SLX4IP: variants seen among roughly 807,000 people sequenced by gnomAD.
SLX4IP encodes SLX4 interacting protein, also known as protein SLX4IP.
Under a neutral mutation model 32.9 loss-of-function variants are expected in SLX4IP, and 34 were observed. The ratio of observed to expected loss-of-function variants is 1.03; its 90% CI spans 0.79 to 1.38. The LOEUF is 1.38. Among genes scored for constraint, SLX4IP ranks in the 40% most tolerant of loss-of-function variants. The probability of loss-of-function intolerance (pLI) is 0.00; values close to 1 mark genes in which losing one functional copy is unlikely to be tolerated. For synonymous variants in SLX4IP, 172 were observed against 171.7 expected, an observed-to-expected ratio of 1.00 and a Z score of -0.01; for missense variants, 444 against 479.0, an observed-to-expected ratio of 0.93 and a Z score of 0.68.
chr20:10,482,320 T>C (rs2065529993), intron 2 of SLX4IP, among the ~76,000 whole-genome samples: 1 of 152,236 alleles, frequency 6.6e-6, no homozygotes, highest in Middle Eastern at 3.2e-3. Flanking sequence ...AGAATCACAG[T>C]GAAAGCCATG....
chr20:10,519,256 A>G (rs928406091), intron 2 of SLX4IP, among the ~76,000 whole-genome samples: 8 of 152,182 alleles, frequency 5.3e-5, no homozygotes, highest in African/African-American at 1.7e-4. Flanking sequence ...TATATAATTC[A>G]GTAGTTTTTA....
At chr20:10,548,836 G>A (rs909748870) in intron 2 of SLX4IP, among the ~76,000 whole-genome samples, 1 of 152,184 alleles carries the variant, frequency 6.6e-6, no homozygotes. Context: ...GCACACAAGC[G>A]CTCCATGAAT....
intron 4 of SLX4IP, among the ~76,000 whole-genome samples, chr20:10,595,074 A>C (rs1479860496): frequency 6.6e-6 from 1 of 152,168 alleles, no homozygotes; most frequent in African/African-American, 2.4e-5. Context: ...TGGTGGCACA[A>C]GAACTGGAGA....
At position 10,502,487 on chromosome 20, in the gene SLX4IP, C is replaced by G. The variant is rs6039992; in HGVS notation, c.27+44256C>G. ...GCATGTGCATGCACACTCACATGTC[C>G]CCGCTCACAAACCCACTCACTTTCA... is the stretch of plus-strand genomic sequence containing the variant. On this transcript the variant is annotated intron_variant, in intron 2 of 7. Transcript: ENST00000334534. Among the ~76,000 whole-genome samples, 5 of 152,300 alleles carry G rather than the reference C, an allele frequency of 3.3e-5. No homozygotes were observed. The South Asian group carries it at 8.3e-4, about 25-fold the overall frequency.
At chr20:10,448,084 ATGTT>A (rs71332998) in intron 1 of SLX4IP, among the ~76,000 whole-genome samples, 74,069 of 151,262 alleles carry the variant, frequency 0.49, 19,555 homozygotes, top group Non-Finnish European at 0.6. Flanking sequence ...CTTGATTCTG[ATGTT>A]TGTTTGTTTT....
intron 4 of SLX4IP, among the ~76,000 whole-genome samples, chr20:10,597,916 G>A (rs1225745851): frequency 1.3e-5 from 2 of 152,130 alleles, no homozygotes; most frequent in Non-Finnish European, 2.9e-5. Context: ...TTTTACTCAT[G>A]TCATATTTCT....
intron 4 of SLX4IP, among the ~76,000 whole-genome samples, chr20:10,583,065 T>C (rs893666957): frequency 2.0e-5 from 3 of 152,200 alleles, no homozygotes; most frequent in African/African-American, 7.2e-5. Context: ...TAGGATCATA[T>C]AATGAACCCC....
At chr20:10,535,270 C>T (rs1479112006) in intron 2 of SLX4IP, among the ~76,000 whole-genome samples, 2 of 152,068 alleles carry the variant, frequency 1.3e-5, no homozygotes, top group African/African-American at 4.8e-5. Context: ...AGTCCTAGTG[C>T]CACTGGCTGA....
chr20:10,598,542 G>C (rs187488020), intron 4 of SLX4IP, 133 bp from the exon 5 acceptor site: 3 of 833,204 alleles, frequency 3.6e-6, no homozygotes, highest in East Asian at 5.3e-5. Flanking sequence ...GGGATTACAG[G>C]CGTGAGTCAT....
Position 10,455,351 on chromosome 20 carries a change from T to C in SLX4IP, c.-29-2825T>C, listed in dbSNP as rs1384125012. 3.3e-5 allele frequency among the ~76,000 whole-genome samples: 5 copies of C among 152,284 alleles called. No homozygotes were observed. In the East Asian group the frequency reaches 5.8e-4, roughly 18 times the overall value. ...TTTTTTCCTAAGATTTTTATAGTTTTAGCTCTTATATTTAGGTCTATGATC... is the reference window on the plus strand; with the variant it reads ...TTTTTTCCTAAGATTTTTATAGTTTCAGCTCTTATATTTAGGTCTATGATC... On this transcript the variant is annotated intron_variant, in intron 1 of 7. Transcript: ENST00000334534.
At position 10,556,214 on chromosome 20, in the gene SLX4IP, C is replaced by T. The variant is rs1260511638; in HGVS notation, c.28-17C>T. ...ATGAGCCGCACAGACACTGACTCTGCCATTAATGTCTTTCAGTGTGGGAAT... is the reference window on the plus strand; with the variant it reads ...ATGAGCCGCACAGACACTGACTCTGTCATTAATGTCTTTCAGTGTGGGAAT... On this transcript the variant is annotated splice_polypyrimidine_tract_variant and intron_variant, in intron 2 of 7. Transcript: ENST00000334534. The T allele has an allele frequency of 3.1e-6, 5 of 1,607,858 alleles. No individual in the cohort carries two copies. Among genetic ancestry groups the T allele is most frequent in the Non-Finnish European group, 4.3e-6 (5 of 1,175,740 alleles).
At chr20:10,567,606 A>G (rs2066412025) in intron 4 of SLX4IP, among the ~76,000 whole-genome samples, 1 of 152,222 alleles carries the variant, frequency 6.6e-6, no homozygotes, top group African/African-American at 2.4e-5. Context: ...TGTTTTAGCA[A>G]CACAATAGAC....
intron 1 of SLX4IP, among the ~76,000 whole-genome samples, chr20:10,455,385 T>G (rs2065276303): frequency 6.6e-6 from 1 of 152,110 alleles, no homozygotes; most frequent in African/African-American, 2.4e-5. Context: ...TCCATTTTGA[T>G]TTAACTTTTT....
rs576781282 is a variant in SLX4IP, at chr20:10,583,598, G to T, written c.239-15077G>T. Among the ~76,000 whole-genome samples, 4 of 152,150 alleles carry T rather than the reference G, an allele frequency of 2.6e-5. No individual in the cohort carries two copies. In the East Asian group the frequency reaches 7.7e-4, roughly 29 times the overall value. On this transcript the variant is annotated intron_variant, in intron 4 of 7. Coordinates refer to ENST00000334534, the MANE Select transcript of SLX4IP (RefSeq NM_001009608.3). ...CCCTTGTATTTTCTGTGGATTGGTG[G>T]TTTGAGCCACAGGCCTGATGAGGCT...
intron 2 of SLX4IP, among the ~76,000 whole-genome samples, chr20:10,479,345 C>T (rs1163167321): frequency 3.1e-5 from 3 of 95,388 alleles, no homozygotes; most frequent in South Asian, 5.0e-4. Flanking sequence ...GCTCAAATTC[C>T]ATATTTCTTT....
chr20:10,558,391 G>GATC (rs143285427), intron 3 of SLX4IP, among the ~76,000 whole-genome samples: 8,889 of 150,976 alleles, frequency 0.059, 431 homozygotes, highest in South Asian at 0.22. Flanking sequence ...ATTCCTCTGG[G>GATC]ATCATTTGTG....
chr20:10,609,422 G>T (rs2066941085), intron 6 of SLX4IP, among the ~76,000 whole-genome samples: 1 of 152,214 alleles, frequency 6.6e-6, no homozygotes, highest in African/African-American at 2.4e-5. Flanking sequence ...GAAAGAGGAG[G>T]CCTTAGTATC....
chr20:10,621,512 G>A, intron 7 of SLX4IP, 98 bp downstream of exon 7: 1 of 1,035,204 alleles, frequency 9.7e-7, no homozygotes, highest in East Asian at 2.6e-5. Context: ...TGGAACTGAA[G>A]CACAAACTCC....
chr20:10,592,153 C>T (rs956249443), intron 4 of SLX4IP, among the ~76,000 whole-genome samples: 2 of 152,136 alleles, frequency 1.3e-5, no homozygotes, highest in Non-Finnish European at 2.9e-5. Context: ...GAAATGTTAT[C>T]TCAAGGGAAC....
Sources: gnomAD v4.1 joint callset for allele counts (sites outside exome capture counted in the v4.1 genomes callset) on GRCh38, gnomAD v4.1.1 for gene constraint, MANE v1.5 for transcripts, NCBI Gene and HGNC (gene_info 2026-07-23, HGNC 2026-07-21) for gene names.